The following UBAP2L variants were observed in gnomAD, a reference collection of about 807,000 sequenced individuals.
The protein encoded by UBAP2L is ubiquitin-associated protein 2-like.
In UBAP2L, 12 loss-of-function variants were observed where a neutral mutation model predicts 130.6. The observed-to-expected ratio is 0.09, with a 90% CI of 0.06 to 0.15. UBAP2L has a LOEUF of 0.15. UBAP2L is among the 10% of genes least tolerant of loss of function. The pLI is 1.00. For synonymous variants in UBAP2L, 503 were observed against 524.7 expected, an observed-to-expected ratio of 0.96 and a Z score of 0.57; for missense variants, 965 against 1,332.5, an observed-to-expected ratio of 0.72 and a Z score of 4.29.
chr1:154,224,896 A>G (rs1038634535), intron 1 of UBAP2L, among the ~76,000 whole-genome samples, 188 bp from the exon 2 acceptor site: 1 of 152,260 alleles, frequency 6.6e-6, no homozygotes, highest in African/African-American at 2.4e-5. Context: ...TTCTTGTTAC[A>G]TAAAAATGGA....
At chr1:154,263,130 AT>A (rs760820237) in intron 24 of UBAP2L, 1 of 1,551,968 alleles carries the variant, frequency 6.4e-7, no homozygotes, top group Non-Finnish European at 8.7e-7. Context: ...CCTTACAAGC[AT>A]TTCTGGACGG....
intron 18 of UBAP2L, 147 bp from the exon 19 acceptor site, chr1:154,256,916 G>A: frequency 1.2e-6 from 1 of 808,252 alleles, no homozygotes; most frequent in Non-Finnish European, 1.9e-6. Context: ...CTTTAGCAGG[G>A]TGTACTTTGG....
chr1:154,224,367 C>T (rs956111851), intron 1 of UBAP2L, among the ~76,000 whole-genome samples: 4 of 152,034 alleles, frequency 2.6e-5, no homozygotes, highest in Non-Finnish European at 5.9e-5. Flanking sequence ...GACTAGGAGA[C>T]CAAGAGAAGC....
At chr1:154,269,606 C>T (rs1684284556) in intron 26 of UBAP2L, 2 of 357,902 alleles carry the variant, frequency 5.6e-6, no homozygotes, top group Non-Finnish European at 1.1e-5. Flanking sequence ...ATCTTTGTAC[C>T]CTTCCCCAGC....
chr1:154,228,439 A>G (rs1668699604), intron 3 of UBAP2L, among the ~76,000 whole-genome samples, 176 bp from the exon 4 acceptor site: 1 of 152,176 alleles, frequency 6.6e-6, no homozygotes, highest in South Asian at 2.1e-4. Flanking sequence ...CGCCCACCTC[A>G]GCCTTGCAAA....
At chr1:154,263,419 G>A in intron 24 of UBAP2L, 1 of 1,233,810 alleles carries the variant, frequency 8.1e-7, no homozygotes, top group Non-Finnish European at 1.0e-6. Flanking sequence ...ACCTGCTGTT[G>A]CTTTTGATTT....
intron 20 of UBAP2L, 34 bp from the exon 21 acceptor site, chr1:154,258,943 G>C: frequency 1.3e-6 from 2 of 1,597,698 alleles, no homozygotes; most frequent in Non-Finnish European, 1.7e-6. Flanking sequence ...ATCATGACCA[G>C]TTCCTGTTAT....
chr1:154,220,532 A>G, upstream of UBAP2L: 1 of 925,662 alleles, frequency 1.1e-6, no homozygotes, highest in Non-Finnish European at 1.7e-6. Flanking sequence ...TTACGGGGGA[A>G]GACCAAGCCA....
In UBAP2L at chr1:154,236,277, T is replaced by C. The variant is rs7526644; in HGVS notation, c.545-289T>C. Among the ~76,000 whole-genome samples the C allele has an allele frequency of 0.62, 94,606 of 151,974 alleles. 30,034 individuals carry two copies. The highest frequency in any genetic ancestry group is 0.96 in the East Asian group (4,944 of 5,168). On this transcript the variant is annotated intron_variant, in intron 6 of 26. Coordinates refer to ENST00000428931, the MANE Select transcript of UBAP2L (RefSeq NM_014847.4). ...GCAGTAGTGCGGTCTTAGCTCACTG[T>C]AGCCTCTGCCTCCTGGATTCAAGTG...
intron 1 of UBAP2L, among the ~76,000 whole-genome samples, chr1:154,224,737 T>C (rs1431176036): frequency 6.6e-6 from 1 of 152,242 alleles, no homozygotes; most frequent in East Asian, 1.9e-4. Flanking sequence ...ACTGATTATC[T>C]TTCCTTCTGT....
rs766336367 is a variant in UBAP2L, at chr1:154,270,323, T to C, written c.*28T>C. On this transcript the variant is annotated 3_prime_UTR_variant, in exon 27 of 27. Transcript: ENST00000428931. ...CCCTGACCCTCTTCTCCCGGTCCCA[T>C]CTTCTGAGAGGGCTTCTCAGCCTGG... 9 of 1,613,520 alleles carry C rather than the reference T, an allele frequency of 5.6e-6. No individual in the cohort carries two copies. The highest frequency in any genetic ancestry group is 7.6e-6 in the Non-Finnish European group (9 of 1,179,834).
intron 8 of UBAP2L, among the ~76,000 whole-genome samples, chr1:154,237,438 C>A (rs973094399): frequency 6.6e-6 from 1 of 152,198 alleles, no homozygotes; most frequent in Non-Finnish European, 1.5e-5. Context: ...TTGAACTCAG[C>A]ATTGTTTGAC....
intron 21 of UBAP2L, 166 bp from the exon 22 acceptor site, chr1:154,259,782 G>A (rs1005536949): frequency 1.3e-6 from 1 of 798,538 alleles, no homozygotes; most frequent in Non-Finnish European, 2.2e-6. Flanking sequence ...GGGGGACAGT[G>A]TATGCAAGAG....
chr1:154,269,267 C>T, intron 26 of UBAP2L: 2 of 1,239,662 alleles, frequency 1.6e-6, no homozygotes, highest in Non-Finnish European at 2.3e-6. Context: ...CCCAGCCTTC[C>T]CTCTTCCCTG....
intron 22 of UBAP2L, 139 bp from the exon 23 acceptor site, chr1:154,260,753 A>T (rs1409756531): frequency 7.3e-6 from 6 of 817,154 alleles, no homozygotes; most frequent in South Asian, 1.8e-5. Flanking sequence ...AATTGGAGCC[A>T]CTAAGAAATG....
rs551485305 is a variant in UBAP2L, at chr1:154,238,579, A to AGT, written c.703+1452_703+1453dup. ...TCTGGTTGGAAAAACAGCGAAAGGT[A>AGT]GTGTGTGTGTTAATTTCTACTGAGT... On this transcript the variant is annotated intron_variant, in intron 8 of 26. Coordinates refer to ENST00000428931, the MANE Select transcript of UBAP2L (RefSeq NM_014847.4). 9.8e-3 allele frequency among the ~76,000 whole-genome samples: 1,486 copies of AGT among 152,230 alleles called. 16 individuals carry two copies. Among genetic ancestry groups the AGT allele is most frequent in the Middle Eastern group, 0.071 (21 of 294 alleles).
intron 8 of UBAP2L, among the ~76,000 whole-genome samples, chr1:154,241,237 T>C (rs1050895601): frequency 6.6e-6 from 1 of 152,040 alleles, no homozygotes; most frequent in Non-Finnish European, 1.5e-5. Flanking sequence ...TACAGGCATG[T>C]GCCACCACGC....
At chr1:154,235,625 T>C (rs1671419206) in intron 6 of UBAP2L, among the ~76,000 whole-genome samples, 1 of 152,184 alleles carries the variant, frequency 6.6e-6, no homozygotes, top group Admixed American at 6.5e-5. Flanking sequence ...TTCTTCTGCC[T>C]CAGTCTCCCA....
intron 15 of UBAP2L, 85 bp downstream of exon 15, chr1:154,254,174 A>G (rs1678832642): frequency 2.4e-6 from 3 of 1,235,172 alleles, no homozygotes; most frequent in Admixed American, 3.3e-5. Flanking sequence ...CTTTTCAGCA[A>G]GTGGTGCTAA....
Sources: gnomAD v4.1 joint callset for allele counts (sites outside exome capture counted in the v4.1 genomes callset) on GRCh38, gnomAD v4.1.1 for gene constraint, MANE v1.5 for transcripts, NCBI Gene and HGNC (gene_info 2026-07-23, HGNC 2026-07-21) for gene names.